ABTB1: variants seen among roughly 807,000 people sequenced by gnomAD.
ABTB1 encodes ankyrin repeat and BTB domain containing 1.
Under a neutral mutation model 57.1 loss-of-function variants are expected in ABTB1, and 45 were observed. That is an observed-to-expected ratio of 0.79 (90% CI 0.62 to 1.01). The LOEUF (loss-of-function observed/expected upper bound fraction) is 1.01, where lower values mean the gene tolerates loss of function less well. ABTB1 is among the 50% of genes least tolerant of loss of function. ABTB1 has a pLI of 0.00. For missense variants in ABTB1, 630 were observed against 666.3 expected (o/e 0.95, Z 0.60); for synonymous variants, 302 against 275.4 (o/e 1.10, Z -0.95).
chr3:127,673,181 G>C, intron 1 of ABTB1, 100 bp downstream of exon 1: 1 of 1,274,016 alleles, frequency 7.8e-7, no homozygotes, highest in Non-Finnish European at 1.0e-6. Flanking sequence ...AGAGGCGGGC[G>C]CCTCTGCCGG....
chr3:127,680,755 C>T lies in ABTB1; in HGVS notation c.*280C>T. The T allele has an allele frequency of 1.5e-6, 1 of 669,716 alleles. No homozygotes were observed. The highest frequency in any genetic ancestry group is 2.7e-6 in the Non-Finnish European group (1 of 375,380). The allele number at this position is 669,716 out of a possible 1,614,324, so 41.5% of individuals were successfully genotyped here. A position where few individuals can be genotyped will look rare whatever the true frequency, so the allele number is the denominator to read the frequency against. On this transcript the variant is annotated 3_prime_UTR_variant, in exon 12 of 12. Transcript: ENST00000232744. ...GGGTGGGGGTGGGCTTTGGTCTTAG[C>T]ACTTTCCTTCTCCAGATCCCCCCTA...
At chr3:127,679,931 C>T in intron 10 of ABTB1, 54 bp from the exon 11 acceptor site, 3 of 1,584,834 alleles carry the variant, frequency 1.9e-6, no homozygotes, top group Non-Finnish European at 2.6e-6. Flanking sequence ...GCTGTTGTGC[C>T]CTGGGAGCCC....
In ABTB1 at chr3:127,680,757, CT is replaced by C; in HGVS notation, c.*285del. ...GTGGGGGTGGGCTTTGGTCTTAGCACTTTCCTTCTCCAGATCCCCCCTACCC... is the reference window on the plus strand; with the variant it reads ...GTGGGGGTGGGCTTTGGTCTTAGCACTTCCTTCTCCAGATCCCCCCTACCC... On this transcript the variant is annotated 3_prime_UTR_variant, in exon 12 of 12. Transcript: ENST00000232744. 2 of 669,330 alleles carry C rather than the reference CT, an allele frequency of 3.0e-6. No homozygotes were observed. The highest frequency in any genetic ancestry group is 5.3e-6 in the Non-Finnish European group (2 of 375,222). The allele number at this position is 669,330 out of a possible 1,614,324, so 41.5% of individuals were successfully genotyped here.
In ABTB1 at chr3:127,677,042, T is replaced by C. The variant is rs1487218677; in HGVS notation, c.602T>C (p.Leu201Pro). Reference sequence around the variant, plus strand: ...AAGCAATGCCAGCTGTGGGACCTGCTCAGCGACCTGGAGGCCAAGTGCGAG... The same window carrying C: ...AAGCAATGCCAGCTGTGGGACCTGCCCAGCGACCTGGAGGCCAAGTGCGAG... ...LAKQCQLWDL[L>P]SDLEAKCEKV... The change falls in exon 7 of 12, where the codon CTC (leucine) becomes CCC (proline). Residue 201 changes from leucine (L) to proline (P), a missense_variant. Physicochemically the swap from Leu to Pro is moderately conservative, Grantham distance 98. This residue lies in a region of ABTB1 where 579 missense variants were observed against 585.9 expected (regional missense o/e 0.99). Coordinates refer to ENST00000232744, the MANE Select transcript of ABTB1 (RefSeq NM_172027.3). 1.2e-6 allele frequency: 2 copies of C among 1,613,990 alleles called. No homozygotes were observed. The highest frequency in any genetic ancestry group is 1.1e-5 in the South Asian group (1 of 91,090).
chr3:127,679,514 C>G (rs1392738725), intron 10 of ABTB1: 5 of 457,248 alleles, frequency 1.1e-5, no homozygotes, highest in South Asian at 6.2e-5. Flanking sequence ...AGTCTCCCAC[C>G]CCTGGCAGAG....
chr3:127,678,887 G>A (rs1042568803), intron 10 of ABTB1: 1 of 152,342 alleles, frequency 6.6e-6, no homozygotes, highest in African/African-American at 2.4e-5. Context: ...TGTTTTGTGG[G>A]GGAAGGGGAG....
chr3:127,677,454 C>T lies in ABTB1; in HGVS notation c.763-11C>T. 1 of 1,613,662 alleles carries T rather than the reference C, an allele frequency of 6.2e-7. No homozygotes were observed. The highest frequency in any genetic ancestry group is 8.5e-7 in the Non-Finnish European group (1 of 1,179,620). ...AACTGCTCTGATGGGGTCACCTCTT[C>T]TGTACCCCAGGGTGATCTTTGGGAG... On this transcript the variant is annotated splice_polypyrimidine_tract_variant and intron_variant, in intron 8 of 11. Coordinates refer to ENST00000232744, the MANE Select transcript of ABTB1 (RefSeq NM_172027.3).
rs935136121 is a variant in ABTB1 at position 127,676,250 on chromosome 3, C to T, written c.321-22C>T. The T allele has an allele frequency of 1.9e-6, 3 of 1,609,310 alleles. No individual in the cohort carries two copies. The highest frequency in any genetic ancestry group is 2.2e-5 in the South Asian group (2 of 90,766). On this transcript the variant is annotated intron_variant, in intron 4 of 11. Transcript: ENST00000232744. The surrounding 1 kb of genome is among the most constrained non-coding windows in gnomAD (Gnocchi z 5.4). The stretch of plus-strand genomic sequence containing the variant: ...GGTGGGGCTGTGCCAAGTATCCTCC[C>T]TCCTGGCTTGTCCCTCCCCAGGCTT...
In ABTB1 at chr3:127,679,974, C is replaced by T. The variant is rs755340920; in HGVS notation, c.1030-11C>T. On this transcript the variant is annotated splice_polypyrimidine_tract_variant and intron_variant, in intron 10 of 11. Transcript: ENST00000232744. Reference sequence around the variant, plus strand: ...CCTCGGGGGGCACCTTCATCCCTGTCTTCACTGCAGCTGTCCCCCGAGGCA... The same window carrying T: ...CCTCGGGGGGCACCTTCATCCCTGTTTTCACTGCAGCTGTCCCCCGAGGCA... 13 of 1,612,922 alleles carry T rather than the reference C, an allele frequency of 8.1e-6. No homozygotes were observed. The South Asian group carries it at 1.4e-4, about 18-fold the overall frequency.
chr3:127,679,258 C>T (rs778462700), intron 10 of ABTB1: 1 of 308,662 alleles, frequency 3.2e-6, no homozygotes, highest in Non-Finnish European at 6.5e-6. Context: ...GGGGATAGCT[C>T]TCGTCGTCAC....
rs1194807845 is a variant in ABTB1 at position 127,676,532 on chromosome 3, A to G, written c.481-4A>G. 8.1e-6 allele frequency: 13 copies of G among 1,614,150 alleles called. No individual in the cohort carries two copies. Among genetic ancestry groups the G allele is most frequent in the Non-Finnish European group, 1.1e-5 (13 of 1,180,008 alleles). ...GACATTACTTTCTGGTTTTCTGCCC[A>G]CAGATCAACCCCGTGGCCTTTGGGG... On this transcript the variant is annotated splice_region_variant and splice_polypyrimidine_tract_variant and intron_variant, in intron 5 of 11. Coordinates refer to ENST00000232744, the MANE Select transcript of ABTB1 (RefSeq NM_172027.3). This position sits in a 1 kb window ranked among gnomAD's most constrained non-coding sequence, Gnocchi z 5.4.
intron 10 of ABTB1, 121 bp from the exon 11 acceptor site, chr3:127,679,864 A>T: frequency 1.2e-6 from 1 of 861,632 alleles, no homozygotes; most frequent in Non-Finnish European, 1.8e-6. Context: ...GGGAGCTCCT[A>T]CTCCCACTGG....
chr3:127,676,658 G>A lies in ABTB1; in HGVS notation c.526+77G>A. 1 of 1,575,572 alleles carries A rather than the reference G, an allele frequency of 6.3e-7. No homozygotes were observed. The highest frequency in any genetic ancestry group is 8.7e-7 in the Non-Finnish European group (1 of 1,148,702). ...ACAGCAGTACACCTAGGTGTGGCTG[G>A]GCTGACCTTTCACCTCTAGACACTT... On this transcript the variant is annotated intron_variant, in intron 6 of 11. Coordinates refer to ENST00000232744, the MANE Select transcript of ABTB1 (RefSeq NM_172027.3). The surrounding 1 kb of genome is among the most constrained non-coding windows in gnomAD (Gnocchi z 5.4).
chr3:127,673,434 G>T, intron 1 of ABTB1: 1 of 185,524 alleles, frequency 5.4e-6, no homozygotes, highest in Non-Finnish European at 1.1e-5. Context: ...GTATAGGCCT[G>T]GGACTCCAGA....
intron 1 of ABTB1, among the ~76,000 whole-genome samples, chr3:127,673,803 A>G (rs1193325676): frequency 6.6e-6 from 1 of 152,208 alleles, no homozygotes; most frequent in African/African-American, 2.4e-5. Flanking sequence ...GAGTTAGTGC[A>G]TAGTGTCAAC....
chr3:127,677,444 G>A (rs2075012525), intron 8 of ABTB1, 21 bp from the exon 9 acceptor site: 2 of 1,613,152 alleles, frequency 1.2e-6, no homozygotes, highest in South Asian at 2.2e-5. Flanking sequence ...CTCTGATGGG[G>A]TCACCTCTTC....
Position 127,676,918 on chromosome 3 carries a change from T to G in ABTB1, c.527-49T>G. 6.3e-7 allele frequency: 1 copy of G among 1,576,818 alleles called. No individual in the cohort carries two copies. The highest frequency in any genetic ancestry group is 1.1e-5 in the South Asian group (1 of 88,910). On this transcript the variant is annotated intron_variant, in intron 6 of 11. Coordinates refer to ENST00000232744, the MANE Select transcript of ABTB1 (RefSeq NM_172027.3). The surrounding 1 kb of genome is among the most constrained non-coding windows in gnomAD (Gnocchi z 5.4). ...GGGGATCACCCTTTTTCTGTGGGCC[T>G]GATGACAGCTGAGGTCCCGCAGGCC...
chr3:127,675,686 G>A, intron 3 of ABTB1: 1 of 510,822 alleles, frequency 2.0e-6, no homozygotes, highest in Non-Finnish European at 3.6e-6. Flanking sequence ...TCACTGCTGT[G>A]CTCCAGTGTG....
At position 127,676,088 on chromosome 3, in the gene ABTB1, G is replaced by A; in HGVS notation, c.294G>A (p.Arg98=). 1 of 1,613,340 alleles carries A rather than the reference G, an allele frequency of 6.2e-7. No homozygotes were observed. ...AGGTCACGGCTTCCTGCAGGAGGCG[G>A]GATTACTATGACGACTTCTTGCAGC... The part of the protein sequence containing the change: ...YKQVTASCRR[R]DYYDDFLQRL... Residue 98 remains arginine (R), a synonymous_variant, in exon 4 of 12, where the codon CGG becomes CGA. Coordinates refer to ENST00000232744, the MANE Select transcript of ABTB1 (RefSeq NM_172027.3). The surrounding 1 kb of genome is among the most constrained non-coding windows in gnomAD (Gnocchi z 5.4).
Sources: allele counts gnomAD v4.1 joint callset (sites outside exome capture counted in the v4.1 genomes callset), GRCh38; gene constraint gnomAD v4.1.1; regional missense constraint gnomAD v4.1.1; non-coding constraint Gnocchi (gnomAD v3.1); transcripts MANE v1.5; gene names NCBI Gene and HGNC (gene_info 2026-07-23, HGNC 2026-07-21).